Variants in RC3H1 observed in about 807,000 individuals in gnomAD.
RC3H1 encodes the protein ring finger and CCCH-type domains 1, also known as roquin-1.
A neutral mutation model predicts 138.2 loss-of-function variants in RC3H1; 50 were observed. That is an observed-to-expected ratio of 0.36 (90% CI 0.29 to 0.46). The LOEUF (loss-of-function observed/expected upper bound fraction) is 0.46, where lower values mean the gene tolerates loss of function less well. RC3H1 is among the 20% of genes least tolerant of loss of function. The pLI, the probability that RC3H1 is intolerant of heterozygous loss-of-function variation, is 1.00. For missense variants in RC3H1, 1,031 were observed against 1,388.1 expected, an observed-to-expected ratio of 0.74 and a Z score of 4.09; for synonymous variants, 462 against 489.1, an observed-to-expected ratio of 0.94 and a Z score of 0.73.
rs1013049213 is a variant in RC3H1, at chr1:173,939,006, A to G, written c.3252-135T>C. ...CATTTTAATCTACAGCCCCTTATCC[A>G]TGTTTTAGCACACAGTTGGCAAACT... On this transcript the variant is annotated intron_variant, in intron 19 of 19. Coordinates refer to ENST00000367696, the MANE Select transcript of RC3H1 (RefSeq NM_172071.4). 19 of 623,144 alleles carry G rather than the reference A, an allele frequency of 3.0e-5. No individual in the cohort carries two copies. In the South Asian group the frequency reaches 6.7e-4, roughly 22 times the overall value. 38.6% of individuals were successfully genotyped at this position (623,144 alleles called of 1,614,324 possible). A position where few individuals can be genotyped will look rare whatever the true frequency, so the allele number is the denominator to read the frequency against.
chr1:174,013,043 A>G (rs1661796835), intron 1 of RC3H1, among the ~76,000 whole-genome samples: 1 of 152,092 alleles, frequency 6.6e-6, no homozygotes, highest in Admixed American at 6.5e-5. Context: ...AAAATTAAAA[A>G]AAAGAAGAGC....
chr1:173,983,145 T>C (rs1660889374), intron 4 of RC3H1: 1 of 480,764 alleles, frequency 2.1e-6, no homozygotes, highest in East Asian at 3.4e-5. Flanking sequence ...TCAAAATGAA[T>C]GAACTTCCTG....
At chr1:173,955,793 A>G (rs542653533) in intron 13 of RC3H1, among the ~76,000 whole-genome samples, 1 of 152,282 alleles carries the variant, frequency 6.6e-6, no homozygotes, top group Non-Finnish European at 1.5e-5. Flanking sequence ...ACATAATACA[A>G]AAATTTACAA....
chr1:174,011,345 T>C (rs912882654), intron 1 of RC3H1, among the ~76,000 whole-genome samples: 2 of 152,234 alleles, frequency 1.3e-5, no homozygotes, highest in Non-Finnish European at 2.9e-5. Context: ...AGAGGCTAGA[T>C]TCAAGCAAAG....
chr1:173,953,720 G>A (rs1168380183), intron 13 of RC3H1, among the ~76,000 whole-genome samples: 13 of 152,004 alleles, frequency 8.6e-5, no homozygotes. Flanking sequence ...AAACCAAGAT[G>A]TATTTACTAA....
intron 1 of RC3H1, among the ~76,000 whole-genome samples, chr1:173,996,146 C>T (rs909695380): frequency 7.9e-5 from 12 of 151,886 alleles, no homozygotes; most frequent in African/African-American, 2.7e-4. Flanking sequence ...CCCAGCTACT[C>T]GGGAGGCTGA....
intron 1 of RC3H1, among the ~76,000 whole-genome samples, chr1:173,993,432 G>A (rs1312358714): frequency 6.7e-6 from 1 of 149,986 alleles, no homozygotes; most frequent in Non-Finnish European, 1.5e-5. Flanking sequence ...TTTTTGAGAC[G>A]GAATTTCGCT....
chr1:173,942,785 G>A (rs909387645), intron 18 of RC3H1, among the ~76,000 whole-genome samples: 7 of 151,300 alleles, frequency 4.6e-5, no homozygotes, highest in African/African-American at 1.7e-4. Context: ...AGCCGAGATC[G>A]CACCACTGCA....
chr1:173,980,426 G>A (rs1333220825), intron 6 of RC3H1, among the ~76,000 whole-genome samples: 2 of 151,832 alleles, frequency 1.3e-5, no homozygotes, highest in African/African-American at 4.8e-5. Context: ...ATACAGGGCT[G>A]TTGAGAGGAT....
Position 173,943,631 on chromosome 1 carries a change from A to T in RC3H1, c.2962-16T>A. The stretch of plus-strand genomic sequence containing the variant: ...TACTAACAGCCTAGTGCATAAAGCC[A>T]AGCACACAGAAAACTCAACACACTT... On this transcript the variant is annotated splice_polypyrimidine_tract_variant and intron_variant, in intron 17 of 19. Transcript: ENST00000367696. 1 of 1,601,586 alleles carries T rather than the reference A, an allele frequency of 6.2e-7. No individual in the cohort carries two copies. Among genetic ancestry groups the T allele is most frequent in the Non-Finnish European group, 8.5e-7 (1 of 1,173,838 alleles).
chr1:173,995,534 A>G (rs1431928568), intron 1 of RC3H1, among the ~76,000 whole-genome samples: 3 of 133,176 alleles, frequency 2.3e-5, no homozygotes, highest in African/African-American at 8.3e-5. Context: ...ACTCCATCTC[A>G]AAAAAAAAAA....
intron 1 of RC3H1, among the ~76,000 whole-genome samples, chr1:173,993,678 C>A (rs1357262457): frequency 6.6e-6 from 1 of 151,276 alleles, no homozygotes; most frequent in Non-Finnish European, 1.5e-5. Context: ...CAGGTGTGAG[C>A]CACCATGCCC....
rs1658362874 is a variant in RC3H1, at chr1:173,931,115, TA to T, written c.*7605del. ...TGCTCATGCAGATTAGCCATTTCTT[TA>T]TTTTTCACCTAAAAAAGCCCCCTCC... On this transcript the variant is annotated 3_prime_UTR_variant, in exon 20 of 20. Coordinates refer to ENST00000367696, the MANE Select transcript of RC3H1 (RefSeq NM_172071.4). 6.6e-6 allele frequency: 1 copy of T among 152,226 alleles called. No homozygotes were observed. The highest frequency in any genetic ancestry group is 6.5e-5 in the Admixed American group (1 of 15,282). 9.4% of individuals were successfully genotyped at this position (152,226 alleles called of 1,614,324 possible).
intron 6 of RC3H1, among the ~76,000 whole-genome samples, chr1:173,979,912 G>C (rs1281885812): frequency 2.0e-5 from 3 of 152,034 alleles, no homozygotes; most frequent in Admixed American, 6.6e-5. Context: ...CCCCTAAAGA[G>C]ACAGGGTCTC....
intron 13 of RC3H1, among the ~76,000 whole-genome samples, chr1:173,953,093 A>AG (rs1350170944): frequency 1.3e-5 from 2 of 152,186 alleles, no homozygotes; most frequent in Non-Finnish European, 2.9e-5. Flanking sequence ...GCATTGACAT[A>AG]GGGTCTGCTG....
intron 1 of RC3H1, among the ~76,000 whole-genome samples, chr1:174,016,972 G>A (rs150196846): frequency 4.2e-4 from 64 of 152,240 alleles, no homozygotes; most frequent in Admixed American, 1.3e-3. Context: ...ATCAGGTATA[G>A]GGCCAAGATC....
At chr1:173,942,704 C>A (rs1344965335) in intron 18 of RC3H1, among the ~76,000 whole-genome samples, 1 of 151,868 alleles carries the variant, frequency 6.6e-6, no homozygotes, top group African/African-American at 2.4e-5. Flanking sequence ...AGGTGGCAGG[C>A]GCCTAGTCCC....
intron 1 of RC3H1, among the ~76,000 whole-genome samples, chr1:174,004,936 G>C (rs1400024305): frequency 1.3e-5 from 2 of 152,042 alleles, no homozygotes; most frequent in African/African-American, 4.8e-5. Context: ...AGGGGGACAG[G>C]AGTCAGTTGA....
At chr1:173,982,654 C>G in intron 5 of RC3H1, 73 bp downstream of exon 5, 1 of 1,349,176 alleles carries the variant, frequency 7.4e-7, no homozygotes, top group Non-Finnish European at 9.9e-7. Flanking sequence ...TTATTAAACT[C>G]AAAGTTTTAC....
Sources: allele counts gnomAD v4.1 joint callset (sites outside exome capture counted in the v4.1 genomes callset), GRCh38; gene constraint gnomAD v4.1.1; transcripts MANE v1.5; gene names NCBI Gene and HGNC (gene_info 2026-07-23, HGNC 2026-07-21).